The following TMEM255B variants were observed in gnomAD, a reference collection of about 807,000 sequenced individuals.
The protein encoded by TMEM255B is transmembrane protein 255B.
TMEM255B carries 35 observed loss-of-function variants against 34.5 expected under a neutral mutation model. The ratio of observed to expected loss-of-function variants is 1.01; its 90% CI spans 0.77 to 1.34. TMEM255B has a LOEUF of 1.34. Among genes scored for constraint, TMEM255B ranks in the 40% most tolerant of loss-of-function variants. The pLI is 0.00. For synonymous variants in TMEM255B, 206 were observed against 201.2 expected (o/e 1.02, Z -0.20); for missense variants, 432 against 433.2 (o/e 1.00, Z 0.02).
At chr13:113,808,022 T>C (rs555794000) in intron 8 of TMEM255B, among the ~76,000 whole-genome samples, 46 of 152,272 alleles carry the variant, frequency 3.0e-4, no homozygotes, top group African/African-American at 1.1e-3. Flanking sequence ...CAGGCCAGCA[T>C]GTGTGGGAGC....
chr13:113,766,265 C>T lies in TMEM255B; in HGVS notation c.189+8C>T, dbSNP rs369021510. On this transcript the variant is annotated splice_region_variant and intron_variant, in intron 2 of 8. Transcript: ENST00000375353. ...TACTACCCAGGGATCATTGTGAGTG[C>T]GCCGGGCGGGCGGCCTGGGCCGGGG... is the stretch of plus-strand genomic sequence containing the variant. 763 of 1,613,690 alleles carry T rather than the reference C, an allele frequency of 4.7e-4. 1 individual carries two copies. The highest frequency in any genetic ancestry group is 5.9e-4 in the Non-Finnish European group (697 of 1,179,768).
intron 8 of TMEM255B, among the ~76,000 whole-genome samples, chr13:113,811,446 C>G (rs1432464537): frequency 2.6e-5 from 3 of 117,486 alleles, no homozygotes; most frequent in African/African-American, 1.0e-4. Context: ...GAGAGTGGCC[C>G]TGGGTCTGTG....
chr13:113,801,573 T>C, intron 6 of TMEM255B, 80 bp from the exon 7 acceptor site: 3 of 1,473,146 alleles, frequency 2.0e-6, no homozygotes, highest in Non-Finnish European at 2.7e-6. Flanking sequence ...CCTGCAGGGC[T>C]CAGGTCCAGA....
At chr13:113,807,543 G>A (rs111844319) in intron 8 of TMEM255B, among the ~76,000 whole-genome samples, 7 of 131,888 alleles carry the variant, frequency 5.3e-5, no homozygotes, top group African/African-American at 1.8e-4. Flanking sequence ...CGGGATGTGG[G>A]GGGTAGTCCT....
chr13:113,786,614 G>C (rs61966733), intron 3 of TMEM255B, among the ~76,000 whole-genome samples: 1 of 150,506 alleles, frequency 6.6e-6, no homozygotes, highest in Non-Finnish European at 1.5e-5. Context: ...CATCACCGTC[G>C]TCACTGTTGT....
rs571880109 is a variant in TMEM255B, at chr13:113,808,796, G to T, written c.814-2940G>T. ...GCGGTGTAACTCTGTGGTTCCTGGG[G>T]GGGGGGTTACTCCATGTTTCCTGGG... On this transcript the variant is annotated intron_variant, in intron 8 of 8. Transcript: ENST00000375353. Among the ~76,000 whole-genome samples the T allele has an allele frequency of 5.5e-3, 608 of 110,344 alleles. 18 individuals carry two copies. The highest frequency in any genetic ancestry group is 9.3e-3 in the Non-Finnish European group (519 of 56,030). 72.4% of individuals were successfully genotyped at this position (110,344 alleles called of 152,430 possible).
At chr13:113,794,551 A>G (rs948396799) in intron 3 of TMEM255B, among the ~76,000 whole-genome samples, 1 of 151,860 alleles carries the variant, frequency 6.6e-6, no homozygotes, top group African/African-American at 2.4e-5. Flanking sequence ...GAATGACAGC[A>G]CCCGCCCTCT....
intron 3 of TMEM255B, among the ~76,000 whole-genome samples, chr13:113,775,837 G>A (rs2050567566): frequency 6.6e-6 from 1 of 152,234 alleles, no homozygotes; most frequent in African/African-American, 2.4e-5. Context: ...TGCCTGTCAG[G>A]CACTGGGGGG....
intron 1 of TMEM255B, among the ~76,000 whole-genome samples, chr13:113,764,026 C>G (rs2050349402): frequency 6.6e-6 from 1 of 152,212 alleles, no homozygotes; most frequent in African/African-American, 2.4e-5. Context: ...TGTCGGGTGC[C>G]TGGGCCTCGG....
intron 3 of TMEM255B, among the ~76,000 whole-genome samples, chr13:113,783,260 G>A (rs530454336): frequency 1.3e-4 from 20 of 152,246 alleles, no homozygotes; most frequent in Admixed American, 1.1e-3. Context: ...CCATGCCTGC[G>A]AGGGGACAGG....
intron 3 of TMEM255B, among the ~76,000 whole-genome samples, chr13:113,785,708 G>A (rs1209595014): frequency 6.6e-6 from 1 of 152,212 alleles, no homozygotes; most frequent in East Asian, 1.9e-4. Context: ...CGCTGGGCTT[G>A]GAGACCCCAC....
chr13:113,800,063 C>CGT lies in TMEM255B; in HGVS notation c.423+659_423+660dup. ...CTCTCCAGCAGCTGCCGGGAGGCAT[C>CGT]GTGTGTGTGTGTGTGTTTATGTGTG... is the stretch of plus-strand genomic sequence containing the variant. On this transcript the variant is annotated intron_variant, in intron 5 of 8. Coordinates refer to ENST00000375353, the MANE Select transcript of TMEM255B (RefSeq NM_182614.4). 2.5e-3 allele frequency: 2,615 copies of CGT among 1,062,924 alleles called. 26 individuals carry two copies. In the African/African-American group the frequency reaches 0.034, roughly 14 times the overall value. 65.8% of individuals were successfully genotyped at this position (1,062,924 alleles called of 1,614,324 possible).
chr13:113,786,601 C>A (rs1054720936), intron 3 of TMEM255B, among the ~76,000 whole-genome samples: 3 of 152,118 alleles, frequency 2.0e-5, no homozygotes, highest in African/African-American at 7.2e-5. Context: ...TCACTGTTGT[C>A]ACCATCACCG....
chr13:113,797,458 C>T (rs1332288821), intron 4 of TMEM255B, among the ~76,000 whole-genome samples: 1 of 152,224 alleles, frequency 6.6e-6, no homozygotes, highest in East Asian at 1.9e-4. Flanking sequence ...GGTTCCGGCA[C>T]ACCGCCCTCC....
chr13:113,759,356 G>A, intron 1 of TMEM255B, 41 bp downstream of exon 1: 5 of 1,228,778 alleles, frequency 4.1e-6, no homozygotes, highest in South Asian at 4.1e-5. Flanking sequence ...TCCTGCGGGG[G>A]AGCGTGGGGA....
chr13:113,811,735 G>C lies in TMEM255B; in HGVS notation c.814-1G>C, dbSNP rs754961509. 1.9e-5 allele frequency: 31 copies of C among 1,613,404 alleles called. No individual in the cohort carries two copies. In the Middle Eastern group the frequency reaches 1.0e-3, roughly 52 times the overall value. On this transcript the variant is annotated splice_acceptor_variant, in intron 8 of 8. Coordinates refer to ENST00000375353, the MANE Select transcript of TMEM255B (RefSeq NM_182614.4). LOFTEE classifies it high-confidence loss of function. Reference sequence around the variant, plus strand: ...CCCAGGGCCCTCTCTGTTTATTGCAGCCCTGCAGCCGCTTCCCAGTTGCGC... The same window carrying C: ...CCCAGGGCCCTCTCTGTTTATTGCACCCCTGCAGCCGCTTCCCAGTTGCGC...
chr13:113,781,292 A>G (rs940317157), intron 3 of TMEM255B, among the ~76,000 whole-genome samples: 4 of 152,210 alleles, frequency 2.6e-5, no homozygotes, highest in South Asian at 2.1e-4. Flanking sequence ...ACTTTAGCCA[A>G]TATGTTTACA....
chr13:113,784,166 G>T (rs1486428799), intron 3 of TMEM255B, among the ~76,000 whole-genome samples: 1 of 152,072 alleles, frequency 6.6e-6, no homozygotes, highest in Non-Finnish European at 1.5e-5. Context: ...GAGCGGGGAG[G>T]GTGTAGGGAT....
At chr13:113,776,131 C>T (rs898495930) in intron 3 of TMEM255B, among the ~76,000 whole-genome samples, 5 of 152,150 alleles carry the variant, frequency 3.3e-5, no homozygotes, top group Admixed American at 6.5e-5. Context: ...GACCCTGTCC[C>T]GTCCCCCACT....
Sources: allele counts gnomAD v4.1 joint callset (sites outside exome capture counted in the v4.1 genomes callset), GRCh38; gene constraint gnomAD v4.1.1; transcripts MANE v1.5; gene names NCBI Gene and HGNC (gene_info 2026-07-23, HGNC 2026-07-21).